RBM12: variants seen among roughly 807,000 people sequenced by gnomAD.
The protein encoded by RBM12 is RNA-binding protein 12.
A neutral mutation model predicts 37.2 loss-of-function variants in RBM12; 24 were observed. That is an observed-to-expected ratio of 0.65 (90% CI 0.47 to 0.91). RBM12 has a LOEUF of 0.91. Among genes scored for constraint, RBM12 ranks in the 40% least tolerant of loss-of-function variants. RBM12 has a pLI of 0.00. For missense variants in RBM12, 1,061 were observed against 1,183.2 expected (o/e 0.90, Z 1.52); for synonymous variants, 420 against 425.2 (o/e 0.99, Z 0.15).
chr20:35,661,467 T>C (rs187187106), intron 1 of RBM12, among the ~76,000 whole-genome samples: 1 of 152,280 alleles, frequency 6.6e-6, no homozygotes, highest in East Asian at 1.9e-4. Flanking sequence ...TACAGCATAA[T>C]GATAGGAAAG....
rs1226014565 is a variant in RBM12 at position 35,655,180 on chromosome 20, G to T, written c.143C>A (p.Ala48Asp). 1.2e-6 allele frequency: 2 copies of T among 1,614,110 alleles called. No individual in the cohort carries two copies. The highest frequency in any genetic ancestry group is 1.7e-6 in the Non-Finnish European group (2 of 1,180,022). ...ACCAAGCCTTGCATCTTCATCAGTGGCAAAAACGATGAAAGCCTCACCCAG... is the reference window on the plus strand; with the variant it reads ...ACCAAGCCTTGCATCTTCATCAGTGTCAAAAACGATGAAAGCCTCACCCAG... ...GELGEAFIVFATDEDARLGMM... is the reference protein window; with the variant it reads ...GELGEAFIVFDTDEDARLGMM... The change falls in exon 3 of 3, where the codon GCC (alanine) becomes GAC (aspartate). Residue 48 changes from alanine to aspartate, a missense_variant. Coordinates refer to ENST00000374114, the MANE Select transcript of RBM12 (RefSeq NM_006047.6).
chr20:35,659,923 C>T (rs946368192), intron 1 of RBM12, among the ~76,000 whole-genome samples: 5 of 152,250 alleles, frequency 3.3e-5, no homozygotes, highest in Middle Eastern at 3.4e-3. Context: ...ATTAAGATTA[C>T]CTACGACTAC....
At chr20:35,656,272 G>A (rs1474117413) in intron 2 of RBM12, among the ~76,000 whole-genome samples, 1 of 151,974 alleles carries the variant, frequency 6.6e-6, no homozygotes, top group Non-Finnish European at 1.5e-5. Flanking sequence ...ATTACTCAGT[G>A]GTTGTTACAG....
chr20:35,649,702 T>C lies in RBM12; in HGVS notation c.*2822A>G, dbSNP rs2033366985. 6.6e-6 allele frequency: 1 copy of C among 152,424 alleles called. No individual in the cohort carries two copies. Among genetic ancestry groups the C allele is most frequent in the Non-Finnish European group, 1.5e-5 (1 of 67,998 alleles). 9.4% of individuals were successfully genotyped at this position (152,424 alleles called of 1,614,324 possible). ...AAAAGTTTACAAATTTGCTTATTTA[T>C]GACATACATTTGTAGATTTCTCTAA... On this transcript the variant is annotated 3_prime_UTR_variant, in exon 3 of 3. Transcript: ENST00000374114.
In RBM12 at chr20:35,652,440, T is replaced by C; in HGVS notation, c.*84A>G. On this transcript the variant is annotated 3_prime_UTR_variant, in exon 3 of 3. Transcript: ENST00000374114. ...TGCAATTGAAACAATCCACAGGTTC[T>C]AACCTGGAAATACTAGGAAAACAAT... 1.4e-6 allele frequency: 2 copies of C among 1,458,536 alleles called. No individual in the cohort carries two copies. Among genetic ancestry groups the C allele is most frequent in the Non-Finnish European group, 1.8e-6 (2 of 1,082,576 alleles). The allele number at this position is 1,458,536 out of a possible 1,614,324, so 90.3% of individuals were successfully genotyped here.
At chr20:35,655,580 A>G (rs1025532251) in intron 2 of RBM12, among the ~76,000 whole-genome samples, 1 of 152,206 alleles carries the variant, frequency 6.6e-6, no homozygotes, top group African/African-American at 2.4e-5. Context: ...CAGTCCCAAG[A>G]CTCAAAAAGT....
chr20:35,660,093 A>G (rs1460893900), intron 1 of RBM12, among the ~76,000 whole-genome samples: 1 of 152,250 alleles, frequency 6.6e-6, no homozygotes, highest in Non-Finnish European at 1.5e-5. Context: ...CAAGTTGCTA[A>G]AGAATAGTGA....
rs1160838251 is a variant in RBM12 at position 35,652,292 on chromosome 20, G to A, written c.*232C>T. 4 of 459,972 alleles carry A rather than the reference G, an allele frequency of 8.7e-6. No individual in the cohort carries two copies. The highest frequency in any genetic ancestry group is 6.0e-5 in the African/African-American group (3 of 50,198). 28.5% of individuals were successfully genotyped at this position (459,972 alleles called of 1,614,324 possible). A position where few individuals can be genotyped will look rare whatever the true frequency, so the allele number is the denominator to read the frequency against. On this transcript the variant is annotated 3_prime_UTR_variant, in exon 3 of 3. Transcript: ENST00000374114. ...TTACAAATGGTTTCTCTAATGGTAT[G>A]CCAAAATCATTTATGTGTTCTCTCC...
intron 1 of RBM12, among the ~76,000 whole-genome samples, chr20:35,663,848 C>T (rs2034377567): frequency 6.6e-6 from 1 of 152,188 alleles, no homozygotes; most frequent in Non-Finnish European, 1.5e-5. Context: ...ACCCAATTCA[C>T]GTGGCTGCAA....
chr20:35,662,948 T>C (rs1166638071), intron 1 of RBM12, among the ~76,000 whole-genome samples: 1 of 152,218 alleles, frequency 6.6e-6, no homozygotes, highest in African/African-American at 2.4e-5. Context: ...AATTATACAT[T>C]ACAATCCATA....
Position 35,653,941 on chromosome 20 carries a change from T to C in RBM12, c.1382A>G (p.Tyr461Cys), listed in dbSNP as rs1264786159. The C allele has an allele frequency of 6.2e-7, 1 of 1,614,054 alleles. No individual in the cohort carries two copies. The highest frequency in any genetic ancestry group is 1.3e-5 in the African/African-American group (1 of 74,920). ...KKLDIVEDSI[Y>C]IAYGPNGKAT... ...TTTCCCATTGGGTCCATAAGCTATA[T>C]AAATACTATCTTCCACAATATCCAG... Residue 461 changes from tyrosine (Y) to cysteine (C), a missense_variant, in exon 3 of 3, where the codon TAT becomes TGT. Tyr to Cys is a radical substitution (Grantham distance 194). Coordinates refer to ENST00000374114, the MANE Select transcript of RBM12 (RefSeq NM_006047.6).
chr20:35,661,610 G>T (rs749274497), intron 1 of RBM12, among the ~76,000 whole-genome samples: 2 of 152,078 alleles, frequency 1.3e-5, no homozygotes, highest in Non-Finnish European at 2.9e-5. Flanking sequence ...GCTTCAACTT[G>T]ACAAAATACC....
Position 35,654,581 on chromosome 20 carries a change from T to G in RBM12, c.742A>C (p.Asn248His). The G allele has an allele frequency of 6.2e-7, 1 of 1,614,140 alleles. No homozygotes were observed. Among genetic ancestry groups the G allele is most frequent in the East Asian group, 2.2e-5 (1 of 44,878 alleles). The change falls in exon 3 of 3, where the codon AAT (asparagine) becomes CAT (histidine). Residue 248 changes from asparagine (N) to histidine (H), a missense_variant. By Grantham distance (68) the Asn-to-His change is moderately conservative (BLOSUM62 1). Coordinates refer to ENST00000374114, the MANE Select transcript of RBM12 (RefSeq NM_006047.6). ...LPPMSGMPPL[N>H]PPPVAPLPAG... is the part of the protein sequence containing the mutation. Reference sequence around the variant, plus strand: ...GGTAGAGGTGCCACAGGTGGCGGATTCAAGGGCGGCATGCCCGACATGGGT... The same window carrying G: ...GGTAGAGGTGCCACAGGTGGCGGATGCAAGGGCGGCATGCCCGACATGGGT...
At chr20:35,662,129 G>C (rs1393823827) in intron 1 of RBM12, among the ~76,000 whole-genome samples, 1 of 152,044 alleles carries the variant, frequency 6.6e-6, no homozygotes, top group Non-Finnish European at 1.5e-5. Context: ...TTTTTATAAC[G>C]CATTACTCAA....
rs1447892190 is a variant in RBM12, at chr20:35,651,068, C to G, written c.*1456G>C. The G allele has an allele frequency of 6.6e-6, 1 of 152,136 alleles. No individual in the cohort carries two copies. Among genetic ancestry groups the G allele is most frequent in the African/African-American group, 2.4e-5 (1 of 41,396 alleles). The allele number at this position is 152,136 out of a possible 1,614,324, so 9.4% of individuals were successfully genotyped here. ...AACCATAACTAGAGCCCTGTAAGGCCAAGTTTTTCATCACAAGGAAAGTAA... is the reference window on the plus strand; with the variant it reads ...AACCATAACTAGAGCCCTGTAAGGCGAAGTTTTTCATCACAAGGAAAGTAA... On this transcript the variant is annotated 3_prime_UTR_variant, in exon 3 of 3. Coordinates refer to ENST00000374114, the MANE Select transcript of RBM12 (RefSeq NM_006047.6).
chr20:35,659,164 C>CCT, intron 1 of RBM12, 150 bp from the exon 2 acceptor site: 1 of 466,334 alleles, frequency 2.1e-6, no homozygotes, highest in Non-Finnish European at 3.8e-6. Flanking sequence ...AAGAAAGACA[C>CCT]CGTAACAAAA....
chr20:35,654,704 G>A lies in RBM12; in HGVS notation c.619C>T (p.Pro207Ser). 2.5e-6 allele frequency: 4 copies of A among 1,613,796 alleles called. No individual in the cohort carries two copies. The highest frequency in any genetic ancestry group is 3.4e-6 in the Non-Finnish European group (4 of 1,179,730). Residue 207 changes from proline (P) to serine (S), a missense_variant, in exon 3 of 3, where the codon CCA becomes TCA. Transcript: ENST00000374114. ...PSLPPMPSIP[P>S]IPVPPPVPTL... The stretch of plus-strand genomic sequence containing the variant: ...GGTACTGGAGGAGGAACTGGAATTG[G>A]GGGAATGGATGGCATTGGTGGCAGA...
At position 35,650,615 on chromosome 20, in the gene RBM12, CA is replaced by C. The variant is rs1344135666; in HGVS notation, c.*1908del. 2 of 152,680 alleles carry C rather than the reference CA, an allele frequency of 1.3e-5. No homozygotes were observed. The highest frequency in any genetic ancestry group is 3.9e-4 in the East Asian group (2 of 5,192). 9.5% of individuals were successfully genotyped at this position (152,680 alleles called of 1,614,324 possible). Reference sequence around the variant, plus strand: ...GGCAGTATCTAGTGATCGGTCAAAGCAAATCTGTATTCATGAATTATCAAAA... The same window carrying C: ...GGCAGTATCTAGTGATCGGTCAAAGCAATCTGTATTCATGAATTATCAAAA... On this transcript the variant is annotated 3_prime_UTR_variant, in exon 3 of 3. Coordinates refer to ENST00000374114, the MANE Select transcript of RBM12 (RefSeq NM_006047.6).
rs1400651293 is a variant in RBM12, at chr20:35,653,101, C to T, written c.2222G>A (p.Gly741Glu). ...ATCACCAAAGGCCCCGCCTCCTAAT[C>T]CTGGAGGAGGGATTGGTGGCCCAAA... ...NAFGPPIPPPGLGGGAFGDAR... is the reference protein window; with the variant it reads ...NAFGPPIPPPELGGGAFGDAR... The change falls in exon 3 of 3, where the codon GGA (glycine) becomes GAA (glutamate). Residue 741 changes from glycine (G) to glutamate (E), a missense_variant. Transcript: ENST00000374114. 6.2e-7 allele frequency: 1 copy of T among 1,613,842 alleles called. No homozygotes were observed. Among genetic ancestry groups the T allele is most frequent in the Non-Finnish European group, 8.5e-7 (1 of 1,180,020 alleles).
Sources: allele counts gnomAD v4.1 joint callset (sites outside exome capture counted in the v4.1 genomes callset), GRCh38; gene constraint gnomAD v4.1.1; transcripts MANE v1.5; gene names NCBI Gene and HGNC (gene_info 2026-07-23, HGNC 2026-07-21).